The following MYOM1 variants were observed in gnomAD, a reference collection of about 807,000 sequenced individuals.
MYOM1 encodes myomesin-1.
A neutral mutation model predicts 205.3 loss-of-function variants in MYOM1; 164 were observed. The observed-to-expected ratio is 0.80, with a 90% CI of 0.70 to 0.91. The LOEUF (loss-of-function observed/expected upper bound fraction) is 0.91, where lower values mean the gene tolerates loss of function less well. Among genes scored for constraint, MYOM1 ranks in the 40% least tolerant of loss-of-function variants. The pLI, the probability that MYOM1 is intolerant of heterozygous loss-of-function variation, is 0.00. For synonymous variants in MYOM1, 772 were observed against 789.4 expected (o/e 0.98, Z 0.37); for missense variants, 2,011 against 2,127.3 (o/e 0.95, Z 1.08).
intron 23 of MYOM1, among the ~76,000 whole-genome samples, chr18:3,101,194 T>C (rs1685926009): frequency 6.6e-6 from 1 of 152,242 alleles, no homozygotes; most frequent in African/African-American, 2.4e-5. Context: ...TGGTATTTCC[T>C]TGTCATTCTA....
At chr18:3,166,531 C>T (rs2080475139) in intron 9 of MYOM1, among the ~76,000 whole-genome samples, 1 of 151,900 alleles carries the variant, frequency 6.6e-6, no homozygotes, top group South Asian at 2.1e-4. Context: ...AGTGATCTGC[C>T]CACCTCAGCC....
At chr18:3,076,045 G>GA (rs1387149182) in intron 34 of MYOM1, among the ~76,000 whole-genome samples, 1 of 152,064 alleles carries the variant, frequency 6.6e-6, no homozygotes, top group Non-Finnish European at 1.5e-5. Flanking sequence ...CTCCAACAAA[G>GA]AAAAAATGGG....
chr18:3,222,157 G>A (rs1409220502), upstream of MYOM1, among the ~76,000 whole-genome samples: 1 of 152,240 alleles, frequency 6.6e-6, no homozygotes, highest in Non-Finnish European at 1.5e-5. Context: ...AGGGTATCAT[G>A]AGTAAGTGTA....
At chr18:3,169,924 G>T (rs967961244) in intron 8 of MYOM1, among the ~76,000 whole-genome samples, 2 of 152,002 alleles carry the variant, frequency 1.3e-5, no homozygotes, top group Non-Finnish European at 2.9e-5. Context: ...AATGAATAAA[G>T]AAAACGTGGT....
intron 16 of MYOM1, among the ~76,000 whole-genome samples, chr18:3,134,115 G>C (rs1249016345): frequency 4.0e-5 from 5 of 125,886 alleles, no homozygotes; most frequent in South Asian, 2.8e-4. Flanking sequence ...AAACTCCTGG[G>C]CTCAAGCAAT....
intron 18 of MYOM1, among the ~76,000 whole-genome samples, chr18:3,127,300 TA>T (rs1405716179): frequency 2.2e-3 from 111 of 51,588 alleles, no homozygotes; most frequent in Non-Finnish European, 2.6e-3. Context: ...TATATATATA[TA>T]TATATTTTTT....
intron 8 of MYOM1, among the ~76,000 whole-genome samples, chr18:3,172,878 T>C (rs1405940316): frequency 1.3e-5 from 2 of 152,206 alleles, no homozygotes; most frequent in Non-Finnish European, 2.9e-5. Context: ...TGCTTCTCTG[T>C]TGCTCTACCA....
rs767444514 is a variant in MYOM1, at chr18:3,168,921, T to C, written c.1235A>G (p.Asp412Gly). 7.4e-6 allele frequency: 12 copies of C among 1,613,614 alleles called. No individual in the cohort carries two copies. The highest frequency in any genetic ancestry group is 1.6e-4 in the Middle Eastern group (1 of 6,084). The change falls in exon 9 of 38, where the codon GAT (aspartate) becomes GGT (glycine). Residue 412 changes from aspartate to glycine, a missense_variant. By Grantham distance (94) the Asp-to-Gly change is moderately conservative (BLOSUM62 -1). Coordinates refer to ENST00000356443, the MANE Select transcript of MYOM1 (RefSeq NM_003803.4). Reference protein sequence around the residue: ...RFEIHFDDKFDVSFGREGETM... With the variant: ...RFEIHFDDKFGVSFGREGETM... ...CTCTCCCTCTCTCCCAAAAGACACA[T>C]CAAATTTGTCATCAAAGTGGATCTC...
At chr18:3,128,377 A>G (rs1448497940) in intron 18 of MYOM1, among the ~76,000 whole-genome samples, 1 of 152,206 alleles carries the variant, frequency 6.6e-6, no homozygotes, top group Non-Finnish European at 1.5e-5. Context: ...ATTTATCAGC[A>G]CATGTGCTTC....
rs1197373008 is a variant in MYOM1, at chr18:3,209,706, T to C, written c.290+5228A>G. 2.6e-5 allele frequency among the ~76,000 whole-genome samples: 4 copies of C among 152,222 alleles called. No individual in the cohort carries two copies. The highest frequency in any genetic ancestry group is 7.2e-5 in the African/African-American group (3 of 41,464). ...ACCTTTACCCAGATAACCTCATGGC[T>C]ACCTCTCTGAGCTACTTCACTTCTT... On this transcript the variant is annotated intron_variant, in intron 2 of 37. Transcript: ENST00000356443. The surrounding 1 kb of genome is among the most constrained non-coding windows in gnomAD (Gnocchi z 4.0).
At chr18:3,244,083 C>T in the MYOM1 span, among the ~76,000 whole-genome samples, 11 of 152,134 alleles carry the variant, frequency 7.2e-5, no homozygotes, top group Admixed American at 7.2e-4. Context: ...GGCTGAATAA[C>T]GTTCTGTTGT....
chr18:3,090,790 G>A lies in MYOM1; in HGVS notation c.3877C>T (p.His1293Tyr), dbSNP rs750355993. The stretch of plus-strand genomic sequence containing the variant: ...ATGATGCCAGTGTTTCGGTCAATAT[G>A]CATTTTATATTTCTTCAGTGTGAAA... Reference protein sequence around the residue: ...EIFEGPKYKMHIDRNTGIIEM... With the variant: ...EIFEGPKYKMYIDRNTGIIEM... The change falls in exon 27 of 38, where the codon CAT becomes TAT. Residue 1293 changes from histidine (H) to tyrosine (Y), a missense_variant. Coordinates refer to ENST00000356443, the MANE Select transcript of MYOM1 (RefSeq NM_003803.4). The A allele has an allele frequency of 1.9e-6, 3 of 1,613,770 alleles. No individual in the cohort carries two copies. The highest frequency in any genetic ancestry group is 3.3e-5 in the Admixed American group (2 of 59,996).
At chr18:3,199,900 T>C (rs4299238) in intron 2 of MYOM1, among the ~76,000 whole-genome samples, 1,787 of 151,960 alleles carry the variant, frequency 0.012, 18 homozygotes, top group Middle Eastern at 0.037. Context: ...TCAGATCTAC[T>C]GCCAGAGGGT....
At chr18:3,240,817 T>C in the MYOM1 span, among the ~76,000 whole-genome samples, 1 of 152,220 alleles carries the variant, frequency 6.6e-6, no homozygotes, top group East Asian at 1.9e-4. Context: ...AAAATGCTGA[T>C]ACTGATAGTG....
chr18:3,207,122 A>G (rs1319216169), intron 2 of MYOM1, among the ~76,000 whole-genome samples: 2 of 152,122 alleles, frequency 1.3e-5, no homozygotes, highest in Non-Finnish European at 2.9e-5. Flanking sequence ...TTTTTCAGTA[A>G]CTTTACACAG....
At chr18:3,202,354 G>C (rs2081079727) in intron 2 of MYOM1, among the ~76,000 whole-genome samples, 2 of 150,462 alleles carry the variant, frequency 1.3e-5, no homozygotes, top group Admixed American at 6.6e-5. Context: ...AACGTAAATG[G>C]AATAAAAAAC....
the MYOM1 span, among the ~76,000 whole-genome samples, chr18:3,239,681 T>C: frequency 7.1e-6 from 1 of 141,622 alleles, no homozygotes; most frequent in African/African-American, 2.7e-5. Context: ...GATTGACCCT[T>C]AGGAGGCCAA....
intron 33 of MYOM1, among the ~76,000 whole-genome samples, 194 bp downstream of exon 33, chr18:3,083,595 A>ATTTTTTTTT (rs59299057): frequency 1.8e-3 from 196 of 107,090 alleles, no homozygotes; most frequent in African/African-American, 3.8e-3. Flanking sequence ...CGCCCAGCTC[A>ATTTTTTTTT]TTTTTTTTTT....
At chr18:3,225,764 C>T in the MYOM1 span, among the ~76,000 whole-genome samples, 1 of 152,154 alleles carries the variant, frequency 6.6e-6, no homozygotes, top group Non-Finnish European at 1.5e-5. Context: ...TGATCCACAC[C>T]CTCCTCCCAG....
Sources: allele counts gnomAD v4.1 joint callset (sites outside exome capture counted in the v4.1 genomes callset), GRCh38; gene constraint gnomAD v4.1.1; non-coding constraint Gnocchi (gnomAD v3.1); transcripts MANE v1.5; gene names NCBI Gene and HGNC (gene_info 2026-07-23, HGNC 2026-07-21).